The following JADE2 variants were observed in gnomAD, a reference collection of about 807,000 sequenced individuals.
JADE2 encodes jade family PHD finger 2, also known as E3 ubiquitin-protein ligase Jade-2.
Under a neutral mutation model 85.7 loss-of-function variants are expected in JADE2, and 13 were observed. The observed-to-expected ratio is 0.15, with a 90% CI of 0.10 to 0.24. The LOEUF is 0.24. JADE2 is among the 10% of genes least tolerant of loss of function. JADE2 has a pLI of 1.00. For synonymous variants in JADE2, 440 were observed against 456.1 expected, an observed-to-expected ratio of 0.96 and a Z score of 0.45; for missense variants, 846 against 1,115.9, an observed-to-expected ratio of 0.76 and a Z score of 3.45.
intron 3 of JADE2, among the ~76,000 whole-genome samples, chr5:134,545,342 T>C (rs1762231711): frequency 6.6e-6 from 1 of 152,034 alleles, no homozygotes; most frequent in African/African-American, 2.4e-5. Flanking sequence ...ATGTGTGTAA[T>C]AAATTCTCTT....
Position 134,525,703 on chromosome 5 carries a change from G to C in JADE2, c.-309G>C, listed in dbSNP as rs1226089184. ...ACACAGGGGGTTGGTGAATGGTGCCGACCGCGGCCATCGCAGTTGGAGGCT... is the reference window on the plus strand; with the variant it reads ...ACACAGGGGGTTGGTGAATGGTGCCCACCGCGGCCATCGCAGTTGGAGGCT... On this transcript the variant is annotated 5_prime_UTR_variant, in exon 1 of 12. Transcript: ENST00000681547. 1 of 1,247,936 alleles carries C rather than the reference G, an allele frequency of 8.0e-7. No individual in the cohort carries two copies. Among genetic ancestry groups the C allele is most frequent in the East Asian group, 7.5e-5 (1 of 13,404 alleles). 77.3% of individuals were successfully genotyped at this position (1,247,936 alleles called of 1,614,324 possible).
intron 2 of JADE2, 50 bp downstream of exon 2, chr5:134,535,965 T>C: frequency 6.6e-7 from 1 of 1,517,052 alleles, no homozygotes; most frequent in African/African-American, 1.4e-5. Context: ...TGAACAGTGA[T>C]CAGGCCCACA....
Position 134,535,835 on chromosome 5 carries a change from A to G in JADE2, c.1-23A>G, listed in dbSNP as rs1208450282. The G allele has an allele frequency of 1.9e-6, 3 of 1,612,238 alleles. No individual in the cohort carries two copies. In the African/African-American group the frequency reaches 4.0e-5, roughly 22 times the overall value. On this transcript the variant is annotated intron_variant, in intron 1 of 11. Coordinates refer to ENST00000681547, the MANE Select transcript of JADE2 (RefSeq NM_001388185.1). ...GATTTCCCAAGCCATCCGTGAGTAT[A>G]ATGGGCTTGCCTTTTGTTGCAGATG... is the stretch of plus-strand genomic sequence containing the variant.
At chr5:134,525,537 A>C, upstream of JADE2, 1 of 351,506 alleles carries the variant, frequency 2.8e-6, no homozygotes, top group Non-Finnish European at 4.8e-6. Flanking sequence ...TCGGGAGCGG[A>C]GATCCGAGTG....
intron 3 of JADE2, among the ~76,000 whole-genome samples, chr5:134,541,750 G>GGGGTTGGGTTT (rs1400344706): frequency 1.3e-5 from 2 of 152,252 alleles, no homozygotes; most frequent in Non-Finnish European, 2.9e-5. Flanking sequence ...TGAAAGGGCT[G>GGGGTTGGGTTT]GGGTTGGGTT....
At chr5:134,569,507 A>G (rs1763860896) in intron 9 of JADE2, among the ~76,000 whole-genome samples, 2 of 152,162 alleles carry the variant, frequency 1.3e-5, no homozygotes, top group Admixed American at 1.3e-4. Context: ...CGGCTGACAA[A>G]AATCGCAGCA....
intron 4 of JADE2, among the ~76,000 whole-genome samples, chr5:134,553,211 C>T (rs1226315747): frequency 6.6e-6 from 1 of 151,944 alleles, no homozygotes; most frequent in Non-Finnish European, 1.5e-5. Context: ...GCTCAAGCAA[C>T]CCTCCTGCCT....
Position 134,562,129 on chromosome 5 carries a change from A to C in JADE2, c.685-71A>C, listed in dbSNP as rs1041611907. On this transcript the variant is annotated intron_variant, in intron 6 of 11. Transcript: ENST00000681547. The surrounding 1 kb of genome is among the most constrained non-coding windows in gnomAD (Gnocchi z 4.6). ...TAGCATGGGGCTGGCACTGGACCAA[A>C]TGCAGCTGACTGCTGACCAGACACA... 1.8e-5 allele frequency: 26 copies of C among 1,483,130 alleles called. No homozygotes were observed. Among genetic ancestry groups the C allele is most frequent in the Non-Finnish European group, 2.1e-5 (23 of 1,094,232 alleles). The allele number at this position is 1,483,130 out of a possible 1,614,324, so 91.9% of individuals were successfully genotyped here.
intron 6 of JADE2, among the ~76,000 whole-genome samples, chr5:134,561,408 T>C (rs967430585): frequency 1.3e-5 from 2 of 152,236 alleles, no homozygotes; most frequent in Admixed American, 6.5e-5. Context: ...AGTGGATTGT[T>C]GCACGGATTA....
At chr5:134,558,951 C>G (rs1763156524) in intron 4 of JADE2, among the ~76,000 whole-genome samples, 1 of 152,232 alleles carries the variant, frequency 6.6e-6, no homozygotes, top group Non-Finnish European at 1.5e-5. Flanking sequence ...TGAGTCCACA[C>G]CCTGCGGGCA....
In JADE2 at chr5:134,578,580, G is replaced by A; in HGVS notation, c.1768G>A (p.Ala590Thr). Residue 590 changes from alanine (A) to threonine (T), a missense_variant, in exon 12 of 12, where the codon GCC becomes ACC. By Grantham distance (58) the Ala-to-Thr change is moderately conservative (BLOSUM62 0). Transcript: ENST00000681547. The surrounding 1 kb of genome is among the most constrained non-coding windows in gnomAD (Gnocchi z 4.4). ...QSVQITAENM[A>T]MSEWPLNNGH... is the part of the protein sequence containing the mutation. The stretch of plus-strand genomic sequence containing the variant: ...GGTGCAGATCACAGCAGAGAACATG[G>A]CCATGAGCGAGTGGCCACTGAACAA... 1 of 1,614,118 alleles carries A rather than the reference G, an allele frequency of 6.2e-7. No individual in the cohort carries two copies. Among genetic ancestry groups the A allele is most frequent in the East Asian group, 2.2e-5 (1 of 44,884 alleles).
rs959945540 is a variant in JADE2 at position 134,580,815 on chromosome 5, A to G, written c.*1498A>G. 3.3e-5 allele frequency: 5 copies of G among 152,628 alleles called. No homozygotes were observed. Among genetic ancestry groups the G allele is most frequent in the Admixed American group, 2.0e-4 (3 of 15,276 alleles). 9.5% of individuals were successfully genotyped at this position (152,628 alleles called of 1,614,324 possible). A position where few individuals can be genotyped will look rare whatever the true frequency, so the allele number is the denominator to read the frequency against. On this transcript the variant is annotated 3_prime_UTR_variant, in exon 12 of 12. Coordinates refer to ENST00000681547, the MANE Select transcript of JADE2 (RefSeq NM_001388185.1). ...TGTTCATTGCACACACCCAAGGAGA[A>G]GAGCTCAAGCGCTTGGAAGAGGATG... is the stretch of plus-strand genomic sequence containing the variant.
intron 3 of JADE2, among the ~76,000 whole-genome samples, chr5:134,539,352 C>T (rs1232891927): frequency 3.3e-5 from 5 of 152,174 alleles, no homozygotes; most frequent in African/African-American, 7.2e-5. Flanking sequence ...CATGAGCCAC[C>T]GCGCCCGGCC....
chr5:134,579,228 G>A lies in JADE2; in HGVS notation c.2416G>A (p.Asp806Asn), dbSNP rs1406772637. ...YFSDGEMSDS[D>N]VEAEDGGVQR... is the part of the protein sequence containing the mutation. Reference sequence around the variant, plus strand: ...CTCTGATGGGGAGATGAGCGACTCAGATGTAGAGGCCGAGGACGGTGGGGT... The same window carrying A: ...CTCTGATGGGGAGATGAGCGACTCAAATGTAGAGGCCGAGGACGGTGGGGT... The change falls in exon 12 of 12, where the codon GAT (aspartate) becomes AAT (asparagine). Residue 806 changes from aspartate (D) to asparagine (N), a missense_variant. Physicochemically the swap from Asp to Asn is conservative, Grantham distance 23. This residue lies in a region of JADE2 where 300 missense variants were observed against 300.7 expected (regional missense o/e 1.00). Transcript: ENST00000681547. This position sits in a 1 kb window ranked among gnomAD's most constrained non-coding sequence, Gnocchi z 4.6. The A allele has an allele frequency of 6.2e-7, 1 of 1,614,152 alleles. No homozygotes were observed. The highest frequency in any genetic ancestry group is 1.1e-5 in the South Asian group (1 of 91,084).
At chr5:134,526,526 C>A in intron 1 of JADE2, 4 of 985,340 alleles carry the variant, frequency 4.1e-6, no homozygotes, top group Non-Finnish European at 4.8e-6. Context: ...ATACGCAGCA[C>A]GTCCGGGCGC....
At chr5:134,544,796 A>G (rs1346923458) in intron 3 of JADE2, among the ~76,000 whole-genome samples, 1 of 152,014 alleles carries the variant, frequency 6.6e-6, no homozygotes, top group African/African-American at 2.4e-5. Context: ...GTCCCTCTAT[A>G]TGGAGTGCCA....
At chr5:134,552,787 C>A (rs1311586178) in intron 4 of JADE2, among the ~76,000 whole-genome samples, 2 of 151,898 alleles carry the variant, frequency 1.3e-5, no homozygotes, top group African/African-American at 4.8e-5. Context: ...GTCCTCCCAC[C>A]TCAGCCTCCC....
At chr5:134,539,478 C>T (rs963755582) in intron 3 of JADE2, among the ~76,000 whole-genome samples, 2 of 152,214 alleles carry the variant, frequency 1.3e-5, no homozygotes, top group Non-Finnish European at 2.9e-5. Flanking sequence ...GGATTACAGG[C>T]GTGAGCCACC....
At chr5:134,526,562 G>A (rs1312621193) in intron 1 of JADE2, 1 of 985,294 alleles carries the variant, frequency 1.0e-6, no homozygotes, top group East Asian at 1.1e-4. Flanking sequence ...CGGTGCACAT[G>A]ACCTCGCGCT....
Sources: gnomAD v4.1 joint callset for allele counts (sites outside exome capture counted in the v4.1 genomes callset) on GRCh38, gnomAD v4.1.1 for gene constraint, gnomAD v4.1.1 regional missense constraint, Gnocchi (gnomAD v3.1) non-coding constraint, MANE v1.5 for transcripts, NCBI Gene and HGNC (gene_info 2026-07-23, HGNC 2026-07-21) for gene names.